The following NLGN4X variants were observed in gnomAD, a reference collection of about 807,000 sequenced individuals.
The protein encoded by NLGN4X is neuroligin-4, X-linked.
A neutral mutation model predicts 40.3 loss-of-function variants in NLGN4X; 3 were observed. That is an observed-to-expected ratio of 0.07 (90% CI 0.03 to 0.19). The LOEUF (loss-of-function observed/expected upper bound fraction) is 0.19, where lower values mean the gene tolerates loss of function less well. Ranked by LOEUF, NLGN4X falls within the 10% of genes least tolerant of loss-of-function variation. The pLI is 1.00. For missense variants in NLGN4X, 382 were observed against 708.3 expected (o/e 0.54, Z 5.23); for synonymous variants, 270 against 306.8 (o/e 0.88, Z 1.25).
chrX:6,136,893 G>A (rs1188519496), intron 2 of NLGN4X, among the ~76,000 whole-genome samples: 2 of 112,207 alleles, frequency 1.8e-5, no homozygotes, highest in Non-Finnish European at 3.8e-5. Context: ...GCTTTGCCCT[G>A]GACAGAGCAG....
chrX:6,150,774 T>G (rs570224893), intron 2 of NLGN4X, among the ~76,000 whole-genome samples: 2 of 112,494 alleles, frequency 1.8e-5, no homozygotes, highest in African/African-American at 6.4e-5. Flanking sequence ...TAATTAAAGT[T>G]ATTATTTATA....
chrX:5,950,132 G>GT (rs2034260336), intron 3 of NLGN4X, among the ~76,000 whole-genome samples: 1 of 111,703 alleles, frequency 9.0e-6, no homozygotes, highest in African/African-American at 3.3e-5. Flanking sequence ...TTGCCCAGGA[G>GT]TAAGTGAGAG....
At chrX:6,048,860 G>A (rs1427161440) in intron 2 of NLGN4X, among the ~76,000 whole-genome samples, 1 of 107,323 alleles carries the variant, frequency 9.3e-6, no homozygotes, top group Non-Finnish European at 1.9e-5. Flanking sequence ...GCGGGGGGAA[G>A]GGAGAGCATT....
At chrX:6,175,439 C>T (rs912725765) in intron 1 of NLGN4X, among the ~76,000 whole-genome samples, 5 of 109,847 alleles carry the variant, frequency 4.6e-5, no homozygotes, top group African/African-American at 6.6e-5. Flanking sequence ...TCCCACATAT[C>T]GTCATAAAGC....
chrX:6,181,974 C>T (rs1331235893), intron 1 of NLGN4X, among the ~76,000 whole-genome samples: 1 of 111,511 alleles, frequency 9.0e-6, no homozygotes, highest in African/African-American at 3.3e-5. Flanking sequence ...TCATGGAAGG[C>T]TCCCTTGAGA....
At chrX:6,149,384 C>A (rs777607944) in intron 2 of NLGN4X, among the ~76,000 whole-genome samples, 1 of 112,131 alleles carries the variant, frequency 8.9e-6, no homozygotes, top group Non-Finnish European at 1.9e-5. Context: ...GCAATTTTAA[C>A]CCTTTGTCCT....
chrX:6,091,359 G>A (rs772315662), intron 2 of NLGN4X, among the ~76,000 whole-genome samples: 1 of 111,242 alleles, frequency 9.0e-6, no homozygotes, highest in Non-Finnish European at 1.9e-5. Flanking sequence ...ATAAGAAAGT[G>A]CAGTGACTTG....
Position 6,077,270 on chromosome X carries a change from T to TTG in NLGN4X, c.473-47840_473-47839dup, listed in dbSNP as rs201491267. On this transcript the variant is annotated intron_variant, in intron 2 of 5. Coordinates refer to ENST00000381095, the MANE Select transcript of NLGN4X (RefSeq NM_181332.3). ...TGTTATTACATTCCAAAATTTTATTTTGTGTGTGTGTGTGTGTGTGTGTGT... is the reference window on the plus strand; with the variant it reads ...TGTTATTACATTCCAAAATTTTATTTTGTGTGTGTGTGTGTGTGTGTGTGTGT... Among the ~76,000 whole-genome samples the TTG allele has an allele frequency of 4.7e-3, 371 of 78,175 alleles. 2 individuals carry two copies. Among genetic ancestry groups the TTG allele is most frequent in the Middle Eastern group, 0.018 (3 of 169 alleles). The allele number at this position is 78,175 out of a possible 115,157, so 67.9% of individuals were successfully genotyped here.
intron 2 of NLGN4X, among the ~76,000 whole-genome samples, chrX:6,063,495 A>G (rs2037824773): frequency 9.0e-6 from 1 of 111,100 alleles, no homozygotes; most frequent in African/African-American, 3.3e-5. Flanking sequence ...AATAAAACCT[A>G]ATTTATTTAA....
At chrX:6,050,776 C>CATCTATCTATCTATCTATCTATCT (rs60281598) in intron 2 of NLGN4X, among the ~76,000 whole-genome samples, 5 of 103,355 alleles carry the variant, frequency 4.8e-5, no homozygotes, top group East Asian at 3.1e-4. Context: ...TCTGTCTGTC[C>CATCTATCTATCTATCTATCTATCT]ATCTATCTAT....
intron 3 of NLGN4X, among the ~76,000 whole-genome samples, chrX:6,018,661 C>T (rs1215374548): frequency 8.9e-6 from 1 of 111,874 alleles, no homozygotes; most frequent in African/African-American, 3.3e-5. Context: ...ATCATACCTG[C>T]CTGTTTATGA....
intron 3 of NLGN4X, among the ~76,000 whole-genome samples, chrX:5,997,601 CATATATATATACACATAT>C (rs1254764585): frequency 5.1e-4 from 46 of 90,770 alleles, no homozygotes; most frequent in East Asian, 1.7e-3. Context: ...TATATATACA[CATATATATATACACATAT>C]ATATATATAT....
At chrX:5,948,582 T>C (rs5961896) in intron 3 of NLGN4X, among the ~76,000 whole-genome samples, 5,143 of 111,699 alleles carry the variant, frequency 0.046, 307 homozygotes, top group African/African-American at 0.16. Context: ...AGAGTTCTCT[T>C]TGTCCATTCC....
intron 3 of NLGN4X, among the ~76,000 whole-genome samples, chrX:6,028,969 G>A (rs1224661843): frequency 1.8e-5 from 2 of 112,406 alleles, no homozygotes; most frequent in South Asian, 3.6e-4. Flanking sequence ...CACCAAATAT[G>A]TGTTCATTGT....
At chrX:6,067,531 T>C (rs1010539266) in intron 2 of NLGN4X, among the ~76,000 whole-genome samples, 8 of 111,441 alleles carry the variant, frequency 7.2e-5, no homozygotes, top group Non-Finnish European at 1.3e-4. Context: ...TCATTGGAGT[T>C]CAATTCCACT....
At chrX:6,225,681 C>CTTTCTTT (rs1926162512) in intron 1 of NLGN4X, among the ~76,000 whole-genome samples, 1 of 33,810 alleles carries the variant, frequency 3.0e-5, no homozygotes, top group Non-Finnish European at 5.0e-5. Flanking sequence ...TTTTTTCTTT[C>CTTTCTTT]TTTTTTTCTT....
intron 3 of NLGN4X, among the ~76,000 whole-genome samples, chrX:5,928,193 T>C (rs773990640): frequency 5.3e-5 from 6 of 112,602 alleles, no homozygotes; most frequent in Middle Eastern, 4.6e-3. Flanking sequence ...GGTTTAATAG[T>C]TGTGTTATAT....
chrX:6,021,197 C>A (rs1286331429), intron 3 of NLGN4X, among the ~76,000 whole-genome samples: 1 of 107,084 alleles, frequency 9.3e-6, no homozygotes, highest in African/African-American at 3.4e-5. Flanking sequence ...CCACCTTGGC[C>A]TCCCACAGTG....
At chrX:5,975,733 G>T (rs2035159361) in intron 3 of NLGN4X, among the ~76,000 whole-genome samples, 1 of 109,117 alleles carries the variant, frequency 9.2e-6, no homozygotes. Context: ...TTTTACTAGG[G>T]TACTGAATAA....
Sources: allele counts gnomAD v4.1 joint callset (sites outside exome capture counted in the v4.1 genomes callset), GRCh38; gene constraint gnomAD v4.1.1; transcripts MANE v1.5; gene names NCBI Gene and HGNC (gene_info 2026-07-23, HGNC 2026-07-21).